STRN: variants seen among roughly 807,000 people sequenced by gnomAD.
STRN encodes the protein striatin.
STRN carries 53 observed loss-of-function variants against 96.3 expected under a neutral mutation model. That is an observed-to-expected ratio of 0.55 (90% CI 0.44 to 0.69). STRN has a LOEUF of 0.69. Among genes scored for constraint, STRN ranks in the 30% least tolerant of loss-of-function variants. The pLI, the probability that STRN is intolerant of heterozygous loss-of-function variation, is 0.00. For missense variants in STRN, 987 were observed against 963.9 expected, an observed-to-expected ratio of 1.02 and a Z score of -0.32; for synonymous variants, 428 against 355.9, an observed-to-expected ratio of 1.20 and a Z score of -2.28.
chr2:36,966,118 A>T (rs1665153224), intron 1 of STRN, 112 bp downstream of exon 1: 1 of 1,234,078 alleles, frequency 8.1e-7, no homozygotes, highest in Non-Finnish European at 1.0e-6. Context: ...GATGGGCGGC[A>T]GCAAAGGGGG....
At chr2:36,866,780 C>T (rs1668640337) in intron 12 of STRN, among the ~76,000 whole-genome samples, 1 of 152,098 alleles carries the variant, frequency 6.6e-6, no homozygotes, top group Admixed American at 6.5e-5. Context: ...TCATGTAATG[C>T]CCTCCTTTGT....
chr2:36,957,863 G>A (rs1664934480), intron 1 of STRN, among the ~76,000 whole-genome samples: 1 of 134,924 alleles, frequency 7.4e-6, no homozygotes, highest in Non-Finnish European at 1.5e-5. Flanking sequence ...TGATTCTCCT[G>A]CCTCAGCCCC....
chr2:36,952,157 A>G (rs917819376), intron 1 of STRN, among the ~76,000 whole-genome samples: 1 of 152,258 alleles, frequency 6.6e-6, no homozygotes, highest in Non-Finnish European at 1.5e-5. Flanking sequence ...CCTGTCTTAC[A>G]TTGGGAAAGG....
At chr2:36,866,813 A>C (rs1356388808) in intron 12 of STRN, among the ~76,000 whole-genome samples, 3 of 152,122 alleles carry the variant, frequency 2.0e-5, no homozygotes, top group Non-Finnish European at 4.4e-5. Flanking sequence ...TTGTTGGTTT[A>C]AAGTCTGTTT....
rs1572616456 is a variant in STRN, at chr2:36,846,380, C to A, written c.*3076G>T. On this transcript the variant is annotated 3_prime_UTR_variant, in exon 18 of 18. Transcript: ENST00000263918. ...GAAAATACAAAACAGTAAAATGCAC[C>A]TATGGTTTATATATATATATATATA... is the stretch of plus-strand genomic sequence containing the variant. The A allele has an allele frequency of 7.9e-5, 5 of 63,596 alleles. No individual in the cohort carries two copies. The highest frequency in any genetic ancestry group is 7.7e-5 in the African/African-American group (1 of 13,028). 3.9% of individuals were successfully genotyped at this position (63,596 alleles called of 1,614,324 possible). A position where few individuals can be genotyped will look rare whatever the true frequency, so the allele number is the denominator to read the frequency against.
At position 36,956,468 on chromosome 2, in the gene STRN, C is replaced by A. The variant is rs183482491; in HGVS notation, c.234+9762G>T. On this transcript the variant is annotated intron_variant, in intron 1 of 17. Coordinates refer to ENST00000263918, the MANE Select transcript of STRN (RefSeq NM_003162.4). The stretch of plus-strand genomic sequence containing the variant: ...CAACAGATTGTTTTGTCAGATTGGC[C>A]ACCGAGGCAAGAAACGCCAAAGATC... Among the ~76,000 whole-genome samples, 484 of 152,158 alleles carry A rather than the reference C, an allele frequency of 3.2e-3. 2 individuals are homozygous for A. The highest frequency in any genetic ancestry group is 5.3e-3 in the Non-Finnish European group (360 of 67,996).
chr2:36,906,308 A>AATT (rs1669817543), intron 3 of STRN, among the ~76,000 whole-genome samples: 1 of 151,994 alleles, frequency 6.6e-6, no homozygotes, highest in Non-Finnish European at 1.5e-5. Flanking sequence ...CTACAAAAAA[A>AATT]ATTATCTGGG....
chr2:36,941,772 C>T (rs1435016269), intron 1 of STRN, among the ~76,000 whole-genome samples: 2 of 150,906 alleles, frequency 1.3e-5, no homozygotes, highest in South Asian at 2.1e-4. Flanking sequence ...AGGCTGGTCT[C>T]GAACTCCTGA....
chr2:36,886,879 T>C (rs1669245122), intron 7 of STRN, 53 bp from the exon 8 acceptor site: 1 of 1,411,036 alleles, frequency 7.1e-7, no homozygotes, highest in Non-Finnish European at 9.8e-7. Flanking sequence ...TATTGAACAC[T>C]CTGAGTCAGT....
At chr2:36,903,256 C>T (rs1391455083) in intron 4 of STRN, among the ~76,000 whole-genome samples, 1 of 152,110 alleles carries the variant, frequency 6.6e-6, no homozygotes. Flanking sequence ...TAAAAATAGA[C>T]TGCAATTAAA....
chr2:36,917,247 C>T (rs989151968), intron 2 of STRN, among the ~76,000 whole-genome samples: 2 of 151,016 alleles, frequency 1.3e-5, no homozygotes, highest in African/African-American at 4.9e-5. Context: ...AGTGGCTGGG[C>T]ACGGGGGCTC....
In STRN at chr2:36,841,921, G is replaced by C. The variant is rs1308304335; in HGVS notation, c.*7535C>G. 6.6e-6 allele frequency: 1 copy of C among 152,192 alleles called. No homozygotes were observed. The highest frequency in any genetic ancestry group is 1.5e-5 in the Non-Finnish European group (1 of 68,046). 9.4% of individuals were successfully genotyped at this position (152,192 alleles called of 1,614,324 possible). ...TTGAAATGGAAGACAATGTGGCTCA[G>C]GCCACAGGGTCAGTTGCTTCTCCTT... On this transcript the variant is annotated 3_prime_UTR_variant, in exon 18 of 18. Coordinates refer to ENST00000263918, the MANE Select transcript of STRN (RefSeq NM_003162.4).
chr2:36,883,738 C>G (rs1213315267), intron 9 of STRN, among the ~76,000 whole-genome samples, 194 bp downstream of exon 9: 2 of 152,068 alleles, frequency 1.3e-5, no homozygotes, highest in African/African-American at 4.8e-5. Flanking sequence ...AGTGTATGCA[C>G]CTTCTCAAGT....
chr2:36,957,755 T>TTTG, intron 1 of STRN, among the ~76,000 whole-genome samples: 1 of 101,772 alleles, frequency 9.8e-6, no homozygotes, highest in Non-Finnish European at 2.1e-5. Flanking sequence ...TTTTTTTTTT[T>TTTG]TTTTTTTTTT....
intron 12 of STRN, among the ~76,000 whole-genome samples, chr2:36,867,219 A>G (rs1234589188): frequency 2.0e-5 from 3 of 152,036 alleles, no homozygotes; most frequent in Non-Finnish European, 4.4e-5. Context: ...GGTGCCTGTA[A>G]TCCTACCACT....
In STRN at chr2:36,848,444, T is replaced by C. The variant is rs1186842914; in HGVS notation, c.*1012A>G. The C allele has an allele frequency of 6.6e-6, 1 of 152,190 alleles. No individual in the cohort carries two copies. The highest frequency in any genetic ancestry group is 2.4e-5 in the African/African-American group (1 of 41,448). The allele number at this position is 152,190 out of a possible 1,614,324, so 9.4% of individuals were successfully genotyped here. On this transcript the variant is annotated 3_prime_UTR_variant, in exon 18 of 18. Coordinates refer to ENST00000263918, the MANE Select transcript of STRN (RefSeq NM_003162.4). ...CTGTTCTTGGTAGATGTCAGATAACTTGAACGTGACAAAGAAGAAAGAGCA... is the reference window on the plus strand; with the variant it reads ...CTGTTCTTGGTAGATGTCAGATAACCTGAACGTGACAAAGAAGAAAGAGCA...
intron 1 of STRN, among the ~76,000 whole-genome samples, chr2:36,945,016 T>A (rs907857487): frequency 1.3e-5 from 2 of 152,170 alleles, no homozygotes; most frequent in Non-Finnish European, 2.9e-5. Flanking sequence ...AGTGTATATA[T>A]AGCCAACAAA....
chr2:36,919,481 GA>G (rs963042710), intron 2 of STRN, among the ~76,000 whole-genome samples: 139 of 145,214 alleles, frequency 9.6e-4, no homozygotes, highest in African/African-American at 2.7e-3. Context: ...TTAAGTGGAA[GA>G]AAAAAAAAAC....
At chr2:36,951,559 CCTGCCCTTAAGGACACAATTTAG>C (rs1376280710) in intron 1 of STRN, among the ~76,000 whole-genome samples, 2 of 152,162 alleles carry the variant, frequency 1.3e-5, no homozygotes, top group Non-Finnish European at 2.9e-5. Flanking sequence ...AAACACAGGT[CCTGCCCTTAAGGACACAATTTAG>C]CTGACAGACA....
Sources: gnomAD v4.1 joint callset for allele counts (sites outside exome capture counted in the v4.1 genomes callset) on GRCh38, gnomAD v4.1.1 for gene constraint, MANE v1.5 for transcripts, NCBI Gene and HGNC (gene_info 2026-07-23, HGNC 2026-07-21) for gene names.